Variants in DNAH7 observed in about 807,000 individuals in gnomAD.
The protein encoded by DNAH7 is dynein axonemal heavy chain 7.
DNAH7 carries 397 observed loss-of-function variants against 444.6 expected under a neutral mutation model. That is an observed-to-expected ratio of 0.89 (90% CI 0.82 to 0.97). DNAH7 has a LOEUF of 0.97. Among genes scored for constraint, DNAH7 ranks in the 50% least tolerant of loss-of-function variants. The pLI is 0.00. For missense variants in DNAH7, 4,902 were observed against 4,800.8 expected, an observed-to-expected ratio of 1.02 and a Z score of -0.62; for synonymous variants, 1,636 against 1,624.4, an observed-to-expected ratio of 1.01 and a Z score of -0.17.
chr2:195,909,035 T>C (rs192709947), intron 25 of DNAH7, among the ~76,000 whole-genome samples: 4 of 152,228 alleles, frequency 2.6e-5, no homozygotes, highest in African/African-American at 9.6e-5. Context: ...GTGCTTTGCA[T>C]GTACACGGAC....
Position 195,972,225 on chromosome 2 carries a change from A to G in DNAH7, c.2058+17T>C, listed in dbSNP as rs770672930. 5 of 1,581,002 alleles carry G rather than the reference A, an allele frequency of 3.2e-6. No homozygotes were observed. The highest frequency in any genetic ancestry group is 1.4e-5 in the African/African-American group (1 of 73,598). ...AACATTTCCAGAAAATGAAAATAAA[A>G]TATCTAAGATGCCAACCTTCAGACC... On this transcript the variant is annotated intron_variant, in intron 16 of 64. Transcript: ENST00000312428.
chr2:195,936,750 C>A lies in DNAH7; in HGVS notation c.3121G>T (p.Glu1041Ter), dbSNP rs1689080857. 1.5e-5 allele frequency: 24 copies of A among 1,591,160 alleles called. No individual in the cohort carries two copies. Among genetic ancestry groups the A allele is most frequent in the Non-Finnish European group, 2.0e-5 (23 of 1,170,786 alleles). Reference sequence around the variant, plus strand: ...AGTTCATTAGATTTTTTCAGCCTTTCCAGCATTCTGTCAATGGTTACAACT... The same window carrying A: ...AGTTCATTAGATTTTTTCAGCCTTTACAGCATTCTGTCAATGGTTACAACT... ...LTVVTIDRMLERLKKSNELLE... is the reference protein window; with the variant it reads ...LTVVTIDRML The change falls in exon 20 of 65, where the codon GAA becomes TAA. Residue 1041 changes from glutamate to a stop codon, truncating the protein, a stop_gained. Transcript: ENST00000312428. LOFTEE classifies it high-confidence loss of function.
At position 195,987,134 on chromosome 2, in the gene DNAH7, C is replaced by T. The variant is rs2635719; in HGVS notation, c.1686G>A (p.Lys562=). 57 of 1,608,382 alleles carry T rather than the reference C, an allele frequency of 3.5e-5. 1 individual carries two copies. In the East Asian group the frequency reaches 1.3e-3, roughly 36 times the overall value. Residue 562 remains lysine, a synonymous_variant, in exon 14 of 65, where the codon AAG becomes AAA. Transcript: ENST00000312428. ...HCEELIRALV[K]RADIICGKLL... is the part of the protein sequence containing the mutation. ...GTTTCCCACAAATAATATCTGCTCG[C>T]TTCACCAAAGCTCTGATTAATTCCT... is the stretch of plus-strand genomic sequence containing the variant.
chr2:195,812,404 T>C (rs1697012363), intron 51 of DNAH7, among the ~76,000 whole-genome samples: 1 of 152,192 alleles, frequency 6.6e-6, no homozygotes, highest in Non-Finnish European at 1.5e-5. Context: ...TACATATACA[T>C]GCATATTTGT....
intron 12 of DNAH7, among the ~76,000 whole-genome samples, chr2:195,997,008 G>A (rs1178959242): frequency 6.6e-6 from 1 of 152,078 alleles, no homozygotes; most frequent in African/African-American, 2.4e-5. Context: ...TTAGATGCTT[G>A]GTATCATCTT....
At position 195,775,872 on chromosome 2, in the gene DNAH7, G is replaced by A; in HGVS notation, c.11176C>T (p.Leu3726=). Residue 3726 remains leucine, a synonymous_variant, in exon 60 of 65, where the codon CTA becomes TTA. Transcript: ENST00000312428. ...ITKDQSETQL[L]FDNILLTQSR... Reference sequence around the variant, plus strand: ...TGTGTAAGAAGAATGTTATCAAATAGCAGCTGAGTTTCTGACTGATCCTTA... The same window carrying A: ...TGTGTAAGAAGAATGTTATCAAATAACAGCTGAGTTTCTGACTGATCCTTA... 1 of 1,614,132 alleles carries A rather than the reference G, an allele frequency of 6.2e-7. No homozygotes were observed. Among genetic ancestry groups the A allele is most frequent in the South Asian group, 1.1e-5 (1 of 91,076 alleles).
rs1289418758 is a variant in DNAH7, at chr2:195,786,957, T to A, written c.10878+53A>T. 3.3e-6 allele frequency: 5 copies of A among 1,502,838 alleles called. No individual in the cohort carries two copies. The Admixed American group carries it at 1.1e-4, about 35-fold the overall frequency. The allele number at this position is 1,502,838 out of a possible 1,614,324, so 93.1% of individuals were successfully genotyped here. ...GTGCCCACTTACTATAACACACTTA[T>A]AACATGATAAAGAGCAACATAGGTA... is the stretch of plus-strand genomic sequence containing the variant. On this transcript the variant is annotated intron_variant, in intron 58 of 64. Coordinates refer to ENST00000312428, the MANE Select transcript of DNAH7 (RefSeq NM_018897.3).
In DNAH7 at chr2:195,857,640, G is replaced by C. The variant is rs763452970; in HGVS notation, c.8151C>G (p.Ile2717Met). ...VMEAICILKG[I>M]KADKIPDPTG... ...TTGGGTCAGGGATTTTGTCAGCTTT[G>C]ATTCCTTTCAAGATGCATATAGCTT... The change falls in exon 44 of 65, where the codon ATC (isoleucine) becomes ATG (methionine). Residue 2717 changes from isoleucine to methionine, a missense_variant. Physicochemically the swap from Ile to Met is conservative, Grantham distance 10. Coordinates refer to ENST00000312428, the MANE Select transcript of DNAH7 (RefSeq NM_018897.3). The C allele has an allele frequency of 3.7e-6, 6 of 1,613,816 alleles. No homozygotes were observed. The highest frequency in any genetic ancestry group is 5.1e-6 in the Non-Finnish European group (6 of 1,179,900).
Position 195,864,166 on chromosome 2 carries a change from T to C in DNAH7, c.7489A>G (p.Thr2497Ala), listed in dbSNP as rs771325703. Residue 2497 changes from threonine (T) to alanine (A), a missense_variant, in exon 41 of 65, where the codon ACC becomes GCC. Physicochemically the swap from Thr to Ala is moderately conservative, Grantham distance 58. Transcript: ENST00000312428. ...GACAATACCTGAAACCAGTCAATGG[T>C]ACAGCAGTTAACAAGAGCAGGGAAC... ...RKFPALVNCC[T>A]IDWFQSWPED... is the part of the protein sequence containing the mutation. 2.5e-6 allele frequency: 4 copies of C among 1,614,046 alleles called. No individual in the cohort carries two copies. The highest frequency in any genetic ancestry group is 3.4e-6 in the Non-Finnish European group (4 of 1,179,932).
At chr2:195,895,792 A>G (rs1168731117) in intron 29 of DNAH7, among the ~76,000 whole-genome samples, 3 of 152,156 alleles carry the variant, frequency 2.0e-5, no homozygotes, top group Non-Finnish European at 4.4e-5. Context: ...TTTAATATAA[A>G]TGAAATTAGA....
rs1695221180 is a variant in DNAH7 at position 196,019,266 on chromosome 2, T to C, written c.773A>G (p.Lys258Arg). 2 of 1,505,808 alleles carry C rather than the reference T, an allele frequency of 1.3e-6. No homozygotes were observed. The highest frequency in any genetic ancestry group is 2.7e-5 in the African/African-American group (2 of 73,072). 93.3% of individuals were successfully genotyped at this position (1,505,808 alleles called of 1,614,324 possible). A position where few individuals can be genotyped will look rare whatever the true frequency, so the allele number is the denominator to read the frequency against. The change falls in exon 9 of 65, where the codon AAA becomes AGA. Residue 258 changes from lysine to arginine, a missense_variant. Transcript: ENST00000312428. ...EMEILPKPWRKSFLAASSYIR... is the reference protein window; with the variant it reads ...EMEILPKPWRRSFLAASSYIR... ...ATAACTGCTTGCAGCTAAAAAAGAT[T>C]TCCTCCAAGGTTTTGGCAGAATTTC... is the stretch of plus-strand genomic sequence containing the variant.
chr2:195,812,419 CAA>C (rs1191369352), intron 51 of DNAH7, among the ~76,000 whole-genome samples: 2 of 152,130 alleles, frequency 1.3e-5, no homozygotes, highest in Non-Finnish European at 2.9e-5. Context: ...ATTTGTACAG[CAA>C]CAGATTGATT....
intron 29 of DNAH7, among the ~76,000 whole-genome samples, chr2:195,895,563 T>G (rs1290830612): frequency 6.6e-6 from 1 of 152,136 alleles, no homozygotes; most frequent in African/African-American, 2.4e-5. Context: ...GTCAGCCTCC[T>G]GGGTAGCTGG....
intron 24 of DNAH7, among the ~76,000 whole-genome samples, chr2:195,919,912 G>A (rs781031037): frequency 2.0e-5 from 3 of 152,132 alleles, no homozygotes; most frequent in Non-Finnish European, 4.4e-5. Flanking sequence ...TCAAATGGAA[G>A]TATCAAGTAG....
At chr2:195,748,307 T>C (rs1693555168) in intron 63 of DNAH7, among the ~76,000 whole-genome samples, 1 of 152,152 alleles carries the variant, frequency 6.6e-6, no homozygotes, top group Non-Finnish European at 1.5e-5. Context: ...CAAGGAGAAC[T>C]ACAAACCACT....
chr2:195,905,459 G>C (rs1273906683), intron 27 of DNAH7: 2 of 152,088 alleles, frequency 1.3e-5, no homozygotes, highest in Non-Finnish European at 2.9e-5. Context: ...AAAAACACTT[G>C]GCAGCAATTA....
At chr2:195,964,867 A>T (rs1691363841) in intron 17 of DNAH7, among the ~76,000 whole-genome samples, 1 of 143,192 alleles carries the variant, frequency 7.0e-6, no homozygotes, top group Non-Finnish European at 1.5e-5. Context: ...ACAGAGTGAG[A>T]CTCCGTCTCA....
At chr2:196,051,584 G>C (rs1697471801) in intron 2 of DNAH7, among the ~76,000 whole-genome samples, 1 of 152,050 alleles carries the variant, frequency 6.6e-6, no homozygotes, top group Non-Finnish European at 1.5e-5. Flanking sequence ...TGGCTAACAT[G>C]GTGAAACCCC....
chr2:195,990,920 T>G (rs1693283932), intron 12 of DNAH7, among the ~76,000 whole-genome samples: 1 of 144,050 alleles, frequency 6.9e-6, no homozygotes, highest in Admixed American at 7.1e-5. Context: ...TAAATATATA[T>G]ACATATATAT....
Sources: gnomAD v4.1 joint callset for allele counts (sites outside exome capture counted in the v4.1 genomes callset) on GRCh38, gnomAD v4.1.1 for gene constraint, MANE v1.5 for transcripts, NCBI Gene and HGNC (gene_info 2026-07-23, HGNC 2026-07-21) for gene names.